Variants in STAT5B observed in about 807,000 individuals in gnomAD.
STAT5B encodes signal transducer and activator of transcription 5B, also known as transcription factor STAT5B.
A neutral mutation model predicts 107.8 loss-of-function variants in STAT5B; 21 were observed. That is an observed-to-expected ratio of 0.19 (90% confidence interval 0.14 to 0.28). The LOEUF (loss-of-function observed/expected upper bound fraction) is 0.28. Ranked by LOEUF, STAT5B falls within the 10% of genes least tolerant of loss-of-function variation. STAT5B has a pLI of 1.00. For missense variants in STAT5B, 565 were observed against 1,008.2 expected (o/e 0.56, Z 5.95); for synonymous variants, 325 against 401.7 (o/e 0.81, Z 2.28).
chr17:42,285,175 C>T, the STAT5B span, among the ~76,000 whole-genome samples: 4 of 151,632 alleles, frequency 2.6e-5, no homozygotes, highest in African/African-American at 9.7e-5. Context: ...CTGCAACCTC[C>T]GCCTCCTGTG....
rs2080027122 is a variant in STAT5B, at chr17:42,199,467, C to A, written c.*2271G>T. ...CTAGAAAAAACCTGCACATCTCACACACGGAGCTGAAACTTTTGAGGACTT... is the reference window on the plus strand; with the variant it reads ...CTAGAAAAAACCTGCACATCTCACAAACGGAGCTGAAACTTTTGAGGACTT... On this transcript the variant is annotated 3_prime_UTR_variant, in exon 19 of 19. Transcript: ENST00000293328. 1 of 152,346 alleles carries A rather than the reference C, an allele frequency of 6.6e-6. No homozygotes were observed. The highest frequency in any genetic ancestry group is 1.5e-5 in the Non-Finnish European group (1 of 68,052). The allele number at this position is 152,346 out of a possible 1,614,324, so 9.4% of individuals were successfully genotyped here.
At chr17:42,275,098 G>A (rs1198460516) in intron 1 of STAT5B, 1 of 152,228 alleles carries the variant, frequency 6.6e-6, no homozygotes, top group Non-Finnish European at 1.5e-5. Context: ...AGTCCTTGAA[G>A]TTTCAATCCC....
chr17:42,268,211 A>G (rs1212139319), intron 1 of STAT5B, among the ~76,000 whole-genome samples: 1 of 152,104 alleles, frequency 6.6e-6, no homozygotes, highest in Non-Finnish European at 1.5e-5. Flanking sequence ...TAGATGTACC[A>G]TTTTTTATCC....
intron 2 of STAT5B, among the ~76,000 whole-genome samples, chr17:42,227,936 T>C (rs58590114): frequency 0.014 from 2,113 of 152,334 alleles, 44 homozygotes; most frequent in African/African-American, 0.049. Context: ...GCTGCCCTTC[T>C]TCCTTTCTCT....
intron 1 of STAT5B, among the ~76,000 whole-genome samples, chr17:42,254,929 A>C (rs1368001517): frequency 6.6e-6 from 1 of 152,090 alleles, no homozygotes; most frequent in Non-Finnish European, 1.5e-5. Flanking sequence ...TGTCTCTACA[A>C]AAAATACAAA....
intron 16 of STAT5B, among the ~76,000 whole-genome samples, chr17:42,207,022 G>A (rs932887441): frequency 1.3e-5 from 2 of 151,568 alleles, no homozygotes; most frequent in East Asian, 3.9e-4. Context: ...GATTACAAGT[G>A]CCTGCCACCA....
intron 1 of STAT5B, among the ~76,000 whole-genome samples, chr17:42,267,208 T>C (rs1294701342): frequency 6.6e-6 from 1 of 152,226 alleles, no homozygotes; most frequent in Non-Finnish European, 1.5e-5. Flanking sequence ...TACTTGATAA[T>C]GATAATAAAT....
rs1598310636 is a variant in STAT5B, at chr17:42,227,064, G to A, written c.285+465C>T. Among the ~76,000 whole-genome samples the A allele has an allele frequency of 2.0e-5, 3 of 150,780 alleles. No homozygotes were observed. The East Asian group carries it at 5.8e-4, about 29-fold the overall frequency. On this transcript the variant is annotated intron_variant, in intron 3 of 18. Coordinates refer to ENST00000293328, the MANE Select transcript of STAT5B (RefSeq NM_012448.4). ...GCAGAAGAATCGCTTGAACCCGGGA[G>A]GCAGAGGTTGCAGTGAGCTGAGATT...
In STAT5B at chr17:42,224,684, G is replaced by A. The variant is rs553185332; in HGVS notation, c.375+95C>T. ...AGCTCTCTTTAAAGAGACACCAATA[G>A]TGCACCCTGAGTCACCTTGACAAAG... On this transcript the variant is annotated intron_variant, in intron 4 of 18. Coordinates refer to ENST00000293328, the MANE Select transcript of STAT5B (RefSeq NM_012448.4). The A allele has an allele frequency of 4.0e-4, 492 of 1,219,456 alleles. 9 individuals are homozygous for A. The South Asian group carries it at 6.0e-3, about 15-fold the overall frequency. 75.5% of individuals were successfully genotyped at this position (1,219,456 alleles called of 1,614,324 possible).
chr17:42,212,011 C>T lies in STAT5B; in HGVS notation c.1653G>A (p.Leu551=). ...SSSHLEDYSG[L]SVSWSQFNRE... ...TGTTGAACTGGGACCAGGACACAGA[C>T]AGGCCACTGTAGTCCTCCAGGTGGC... Residue 551 remains leucine (L), a synonymous_variant, in exon 13 of 19, where the codon CTG becomes CTA. Coordinates refer to ENST00000293328, the MANE Select transcript of STAT5B (RefSeq NM_012448.4). 6.2e-7 allele frequency: 1 copy of T among 1,613,596 alleles called. No homozygotes were observed. Among genetic ancestry groups the T allele is most frequent in the South Asian group, 1.1e-5 (1 of 91,000 alleles).
chr17:42,281,923 C>T, the STAT5B span, among the ~76,000 whole-genome samples: 3 of 152,154 alleles, frequency 2.0e-5, no homozygotes, highest in Non-Finnish European at 4.4e-5. Context: ...GCTGGCTTGC[C>T]AGGCAGGTTA....
chr17:42,273,655 C>T (rs1057418212), intron 1 of STAT5B, among the ~76,000 whole-genome samples: 1 of 152,128 alleles, frequency 6.6e-6, no homozygotes, highest in Non-Finnish European at 1.5e-5. Flanking sequence ...AGGCTTCCTT[C>T]GATTCCACCT....
At chr17:42,285,236 C>G in the STAT5B span, among the ~76,000 whole-genome samples, 1 of 151,740 alleles carries the variant, frequency 6.6e-6, no homozygotes, top group African/African-American at 2.4e-5. Flanking sequence ...ATTACAGGTG[C>G]GTGACACCAC....
At chr17:42,278,593 A>C (rs1224240128), upstream of STAT5B, among the ~76,000 whole-genome samples, 5 of 152,026 alleles carry the variant, frequency 3.3e-5, no homozygotes, top group African/African-American at 1.2e-4. Flanking sequence ...TCACAGCTCA[A>C]GGCAACCTCC....
At chr17:42,261,037 C>T (rs183510603) in intron 1 of STAT5B, among the ~76,000 whole-genome samples, 12 of 151,858 alleles carry the variant, frequency 7.9e-5, no homozygotes, top group Non-Finnish European at 1.6e-4. Flanking sequence ...CTGCCTCAGC[C>T]TCCTGAGACT....
At chr17:42,206,626 G>A (rs1248882019) in intron 16 of STAT5B, among the ~76,000 whole-genome samples, 2 of 152,128 alleles carry the variant, frequency 1.3e-5, no homozygotes, top group African/African-American at 4.8e-5. Flanking sequence ...CCAGGCTGGA[G>A]TGCAATGGCA....
intron 1 of STAT5B, among the ~76,000 whole-genome samples, chr17:42,257,487 T>C (rs949173304): frequency 2.0e-5 from 3 of 152,248 alleles, no homozygotes; most frequent in Non-Finnish European, 2.9e-5. Flanking sequence ...TATGGAGCTA[T>C]TGTATGTGCA....
chr17:42,268,345 T>A (rs1207976393), intron 1 of STAT5B, among the ~76,000 whole-genome samples: 1 of 152,198 alleles, frequency 6.6e-6, no homozygotes, highest in South Asian at 2.1e-4. Flanking sequence ...AGGTTTGTAG[T>A]CTAGGAGCAA....
At chr17:42,212,456 G>T (rs1410131634) in intron 12 of STAT5B, among the ~76,000 whole-genome samples, 1 of 152,194 alleles carries the variant, frequency 6.6e-6, no homozygotes, top group Non-Finnish European at 1.5e-5. Context: ...CAAATCCTAT[G>T]TTCTAACGGC....
Sources: gnomAD v4.1 joint callset for allele counts (sites outside exome capture counted in the v4.1 genomes callset) on GRCh38, gnomAD v4.1.1 for gene constraint, MANE v1.5 for transcripts, NCBI Gene and HGNC (gene_info 2026-07-23, HGNC 2026-07-21) for gene names.